The following SLC39A14 variants were observed in gnomAD, a reference collection of about 807,000 sequenced individuals.
SLC39A14 encodes solute carrier family 39 member 14.
In SLC39A14, 19 loss-of-function variants were observed where a neutral mutation model predicts 45.5. The ratio of observed to expected loss-of-function variants is 0.42; its 90% CI spans 0.29 to 0.61. SLC39A14 has a LOEUF of 0.61. Ranked by LOEUF, SLC39A14 falls within the 20% of genes least tolerant of loss-of-function variation. The pLI, the probability that SLC39A14 is intolerant of heterozygous loss-of-function variation, is 0.22. For missense variants in SLC39A14, 447 were observed against 616.5 expected (o/e 0.73, Z 2.91); for synonymous variants, 264 against 251.3 (o/e 1.05, Z -0.48).
intron 1 of SLC39A14, among the ~76,000 whole-genome samples, chr8:22,378,886 C>T (rs1833350185): frequency 6.6e-6 from 1 of 152,186 alleles, no homozygotes; most frequent in Non-Finnish European, 1.5e-5. Context: ...AAGTATTTAC[C>T]TGTGGATCTG....
At position 22,417,561 on chromosome 8, in the gene SLC39A14, C is replaced by T. The variant is rs1043409752; in HGVS notation, c.1148-90C>T. ...TCAAACAGTCCTCCCAGCTGAGCCT[C>T]CTGAGTAGCTGGGATGACAGGTGTG... On this transcript the variant is annotated intron_variant, in intron 7 of 8. Transcript: ENST00000381237. The T allele has an allele frequency of 2.5e-5, 28 of 1,118,136 alleles. No homozygotes were observed. The East Asian group carries it at 5.2e-4, about 21-fold the overall frequency. The allele number at this position is 1,118,136 out of a possible 1,614,324, so 69.3% of individuals were successfully genotyped here.
intron 1 of SLC39A14, among the ~76,000 whole-genome samples, chr8:22,392,102 T>C (rs1834108609): frequency 6.6e-6 from 1 of 152,098 alleles, no homozygotes; most frequent in Admixed American, 6.6e-5. Flanking sequence ...AACAAGGTAA[T>C]GAGGAGTCCA....
chr8:22,424,782 T>G (rs373489457), downstream of SLC39A14, among the ~76,000 whole-genome samples: 12 of 152,260 alleles, frequency 7.9e-5, 1 homozygote, highest in South Asian at 2.5e-3. Flanking sequence ...ATCCCAGCAC[T>G]TTAGGAGGCC....
chr8:22,402,289 G>T (rs1834917138), intron 1 of SLC39A14, among the ~76,000 whole-genome samples: 1 of 152,144 alleles, frequency 6.6e-6, no homozygotes, highest in Admixed American at 6.5e-5. Flanking sequence ...GGAGGCTGAG[G>T]TGGGAGAATG....
intron 1 of SLC39A14, among the ~76,000 whole-genome samples, chr8:22,380,336 G>A (rs1489811153): frequency 6.6e-6 from 1 of 152,172 alleles, no homozygotes; most frequent in Non-Finnish European, 1.5e-5. Context: ...AGGTCAGAGA[G>A]CTTAAGTGAT....
intron 2 of SLC39A14, among the ~76,000 whole-genome samples, chr8:22,405,836 T>G (rs1835179282): frequency 6.6e-6 from 1 of 152,198 alleles, no homozygotes; most frequent in Non-Finnish European, 1.5e-5. Flanking sequence ...CTAATCAGAC[T>G]CTGGGGCTAT....
chr8:22,371,158 A>G (rs1832907610), intron 1 of SLC39A14, among the ~76,000 whole-genome samples: 1 of 152,210 alleles, frequency 6.6e-6, no homozygotes, highest in Admixed American at 6.5e-5. Flanking sequence ...GGCCTGCCCA[A>G]GGGAGCCCAG....
chr8:22,429,068 C>T (rs1398844508), intron 8 of SLC39A14, among the ~76,000 whole-genome samples: 3 of 151,832 alleles, frequency 2.0e-5, no homozygotes, highest in Non-Finnish European at 2.9e-5. Context: ...GTCAGGAGAT[C>T]GAGACCATCC....
intron 1 of SLC39A14, chr8:22,398,623 C>T: frequency 5.9e-6 from 4 of 680,870 alleles, no homozygotes; most frequent in Non-Finnish European, 7.2e-6. Flanking sequence ...TGCCTGTTCT[C>T]ATATCTATGC....
rs534451456 is a variant in SLC39A14 at position 22,421,946 on chromosome 8, G to C, written c.*2248G>C. Reference sequence around the variant, plus strand: ...CTCAAAGGGAAATCCTCTTTAAACCGTAGTTGGCGCAGAGGTCAGTCCTAG... The same window carrying C: ...CTCAAAGGGAAATCCTCTTTAAACCCTAGTTGGCGCAGAGGTCAGTCCTAG... On this transcript the variant is annotated 3_prime_UTR_variant, in exon 9 of 9. Transcript: ENST00000381237. 8.1e-6 allele frequency: 8 copies of C among 985,406 alleles called. No individual in the cohort carries two copies. In the African/African-American group the frequency reaches 1.4e-4, roughly 17 times the overall value. 61.0% of individuals were successfully genotyped at this position (985,406 alleles called of 1,614,324 possible). A position where few individuals can be genotyped will look rare whatever the true frequency, so the allele number is the denominator to read the frequency against.
chr8:22,380,672 C>T (rs1181837408), intron 1 of SLC39A14, among the ~76,000 whole-genome samples: 1 of 135,870 alleles, frequency 7.4e-6, no homozygotes, highest in Non-Finnish European at 1.6e-5. Flanking sequence ...CTTTCCATTC[C>T]TGTTTTTTTT....
intron 1 of SLC39A14, among the ~76,000 whole-genome samples, chr8:22,387,528 C>T (rs1325767861): frequency 6.6e-6 from 1 of 152,202 alleles, no homozygotes; most frequent in Non-Finnish European, 1.5e-5. Flanking sequence ...AGTGGAAATA[C>T]ATAAGTGGTT....
chr8:22,372,996 A>T (rs1465823661), intron 1 of SLC39A14, among the ~76,000 whole-genome samples: 1 of 152,054 alleles, frequency 6.6e-6, no homozygotes, highest in Non-Finnish European at 1.5e-5. Flanking sequence ...GGGCGCAGTG[A>T]CTCACACCTA....
chr8:22,400,815 T>C (rs1834811975), intron 1 of SLC39A14, among the ~76,000 whole-genome samples: 1 of 152,230 alleles, frequency 6.6e-6, no homozygotes, highest in African/African-American at 2.4e-5. Context: ...GATACTTTAG[T>C]TGGCCACAGG....
At chr8:22,377,136 T>C (rs974685487) in intron 1 of SLC39A14, among the ~76,000 whole-genome samples, 12 of 152,314 alleles carry the variant, frequency 7.9e-5, no homozygotes, top group African/African-American at 2.9e-4. Flanking sequence ...CATTTATTTA[T>C]GCATTTGGTT....
At chr8:22,410,403 A>G (rs1485540841) in intron 3 of SLC39A14, among the ~76,000 whole-genome samples, 7 of 152,176 alleles carry the variant, frequency 4.6e-5, no homozygotes, top group Admixed American at 3.9e-4. Context: ...ATAAGGCATC[A>G]AGGGAAAGCA....
At chr8:22,377,623 C>G (rs1400584772) in intron 1 of SLC39A14, among the ~76,000 whole-genome samples, 6 of 152,192 alleles carry the variant, frequency 3.9e-5, no homozygotes, top group Non-Finnish European at 8.8e-5. Flanking sequence ...TTCATGATGA[C>G]TTCTTTCTCC....
chr8:22,367,827 C>G lies in SLC39A14; in HGVS notation c.-16+419C>G. The G allele has an allele frequency of 6.5e-6, 1 of 153,376 alleles. No individual in the cohort carries two copies. The highest frequency in any genetic ancestry group is 1.5e-5 in the Non-Finnish European group (1 of 68,890). The allele number at this position is 153,376 out of a possible 1,614,324, so 9.5% of individuals were successfully genotyped here. ...GCTTTTCAGGAGCTGCGTCCCCGGG[C>G]CCCCGCCGGTCCATCTCCCCTCTGA... On this transcript the variant is annotated intron_variant, in intron 1 of 8. Transcript: ENST00000381237. The surrounding 1 kb of genome is among the most constrained non-coding windows in gnomAD (Gnocchi z 4.2).
In SLC39A14 at chr8:22,421,528, A is replaced by G. The variant is rs149626067; in HGVS notation, c.*1830A>G. The G allele has an allele frequency of 9.9e-4, 974 of 985,634 alleles. 1 individual carries two copies. The highest frequency in any genetic ancestry group is 1.1e-3 in the Non-Finnish European group (929 of 829,732). 61.1% of individuals were successfully genotyped at this position (985,634 alleles called of 1,614,324 possible). On this transcript the variant is annotated 3_prime_UTR_variant, in exon 9 of 9. Transcript: ENST00000381237. ...ATGGTCCAGTTTTACCAAAGAACCA[A>G]TTCCTTGAATGTTGGAATCTAACTT...
Sources: allele counts gnomAD v4.1 joint callset (sites outside exome capture counted in the v4.1 genomes callset), GRCh38; gene constraint gnomAD v4.1.1; non-coding constraint Gnocchi (gnomAD v3.1); transcripts MANE v1.5; gene names NCBI Gene and HGNC (gene_info 2026-07-23, HGNC 2026-07-21).